Variants in AP3B1 observed in about 807,000 individuals in gnomAD.
The protein encoded by AP3B1 is adaptor related protein complex 3 subunit beta 1.
In AP3B1, 61 loss-of-function variants were observed where a neutral mutation model predicts 132.5. That is an observed-to-expected ratio of 0.46 (90% CI 0.37 to 0.57). AP3B1 has a LOEUF of 0.57. Ranked by LOEUF, AP3B1 falls within the 20% of genes least tolerant of loss-of-function variation. AP3B1 has a pLI of 0.00. For synonymous variants in AP3B1, 388 were observed against 438.3 expected, an observed-to-expected ratio of 0.89 and a Z score of 1.43; for missense variants, 1,120 against 1,289.4, an observed-to-expected ratio of 0.87 and a Z score of 2.01.
intron 7 of AP3B1, among the ~76,000 whole-genome samples, chr5:78,192,595 T>C (rs981185561): frequency 2.0e-5 from 3 of 151,932 alleles, no homozygotes; most frequent in Admixed American, 6.6e-5. Flanking sequence ...TGAGCCAAAA[T>C]TGCGCCACTG....
At chr5:78,173,907 C>T (rs1283717412) in intron 11 of AP3B1, among the ~76,000 whole-genome samples, 1 of 151,976 alleles carries the variant, frequency 6.6e-6, no homozygotes, top group Non-Finnish European at 1.5e-5. Context: ...TCTATAACCT[C>T]GTCTTCTCAC....
chr5:78,054,362 C>G (rs1748715300), intron 22 of AP3B1, among the ~76,000 whole-genome samples: 1 of 151,718 alleles, frequency 6.6e-6, no homozygotes, highest in Non-Finnish European at 1.5e-5. Context: ...ATTAAGAGAT[C>G]CAAAGATAAG....
At chr5:78,052,898 T>C (rs1748643847) in intron 22 of AP3B1, among the ~76,000 whole-genome samples, 1 of 152,228 alleles carries the variant, frequency 6.6e-6, no homozygotes, top group Admixed American at 6.5e-5. Context: ...CTATTCTTTT[T>C]ATATTTCTTT....
chr5:78,282,848 CAA>C (rs70997985), intron 1 of AP3B1, among the ~76,000 whole-genome samples: 2 of 129,362 alleles, frequency 1.5e-5, no homozygotes, highest in Admixed American at 7.7e-5. Context: ...TTGTCTCTAC[CAA>C]AAAAAAAAAA....
At chr5:78,215,100 T>A (rs941768909) in intron 7 of AP3B1, among the ~76,000 whole-genome samples, 1 of 152,138 alleles carries the variant, frequency 6.6e-6, no homozygotes, top group South Asian at 2.1e-4. Flanking sequence ...CATTTTTCCA[T>A]GTTATTTACA....
intron 7 of AP3B1, among the ~76,000 whole-genome samples, chr5:78,214,082 G>A (rs1745863623): frequency 6.6e-6 from 1 of 152,174 alleles, no homozygotes; most frequent in South Asian, 2.1e-4. Context: ...CACTAAATTA[G>A]TCTAATGAGC....
chr5:78,100,623 C>T (rs913915996), intron 21 of AP3B1, among the ~76,000 whole-genome samples: 1 of 152,170 alleles, frequency 6.6e-6, no homozygotes, highest in African/African-American at 2.4e-5. Flanking sequence ...ATGTGTCAAT[C>T]CCCATAATCC....
At chr5:78,116,698 T>A (rs1203967895) in intron 17 of AP3B1, among the ~76,000 whole-genome samples, 1 of 151,878 alleles carries the variant, frequency 6.6e-6, no homozygotes, top group African/African-American at 2.4e-5. Context: ...CCTGGAGTAA[T>A]CCTTGACTTC....
chr5:78,194,157 G>A (rs1266487537), intron 7 of AP3B1, among the ~76,000 whole-genome samples: 1 of 152,002 alleles, frequency 6.6e-6, no homozygotes, highest in East Asian at 1.9e-4. Flanking sequence ...CCCTTATGTA[G>A]CTAGCATGGC....
chr5:78,038,499 T>A (rs1367680799), intron 23 of AP3B1, among the ~76,000 whole-genome samples: 1 of 152,180 alleles, frequency 6.6e-6, no homozygotes, highest in Non-Finnish European at 1.5e-5. Flanking sequence ...TTTAAGAAAC[T>A]TTATGAATTT....
chr5:78,000,572 A>C (rs1746175704), downstream of AP3B1: 1 of 152,196 alleles, frequency 6.6e-6, no homozygotes, highest in Non-Finnish European at 1.5e-5. Flanking sequence ...ATGCATTGTT[A>C]CAGTCTCTTT....
chr5:78,170,146 C>T (rs1315713235), intron 11 of AP3B1, among the ~76,000 whole-genome samples: 2 of 152,160 alleles, frequency 1.3e-5, no homozygotes, highest in African/African-American at 4.8e-5. Context: ...TTTCTTAATT[C>T]AGTCTATCAT....
chr5:78,126,226 T>C (rs1272462168), intron 17 of AP3B1, among the ~76,000 whole-genome samples: 1 of 151,870 alleles, frequency 6.6e-6, no homozygotes, highest in East Asian at 1.9e-4. Context: ...ACAAATAGGC[T>C]GGGCACGGTG....
chr5:78,053,267 C>T (rs1280900463), intron 22 of AP3B1, among the ~76,000 whole-genome samples: 1 of 152,226 alleles, frequency 6.6e-6, no homozygotes, highest in Non-Finnish European at 1.5e-5. Context: ...TTCTGTCCCT[C>T]TACCACCAGC....
At chr5:78,134,377 T>C (rs1459412411) in intron 15 of AP3B1, among the ~76,000 whole-genome samples, 2 of 152,142 alleles carry the variant, frequency 1.3e-5, no homozygotes, top group African/African-American at 4.8e-5. Context: ...GAAGTCTGCA[T>C]TCGGCATAGT....
chr5:78,117,681 A>G (rs1751917830), intron 17 of AP3B1, among the ~76,000 whole-genome samples: 1 of 152,214 alleles, frequency 6.6e-6, no homozygotes, highest in Non-Finnish European at 1.5e-5. Flanking sequence ...TAAAGACTTC[A>G]ATATTAAATT....
chr5:78,029,986 G>A lies in AP3B1; in HGVS notation c.2894+4375C>T, dbSNP rs529268809. Reference sequence around the variant, plus strand: ...CCCTAGTATACCATCACTCCTCCTTGCACTTGTCTCTGTGGGGATTTTGGT... The same window carrying A: ...CCCTAGTATACCATCACTCCTCCTTACACTTGTCTCTGTGGGGATTTTGGT... On this transcript the variant is annotated intron_variant, in intron 24 of 26. Coordinates refer to ENST00000255194, the MANE Select transcript of AP3B1 (RefSeq NM_003664.5). Among the ~76,000 whole-genome samples the A allele has an allele frequency of 1.4e-4, 22 of 151,726 alleles. 1 individual carries two copies. The South Asian group carries it at 2.7e-3, about 19-fold the overall frequency.
At chr5:78,202,268 T>C (rs1392842340) in intron 7 of AP3B1, among the ~76,000 whole-genome samples, 5 of 152,162 alleles carry the variant, frequency 3.3e-5, no homozygotes, top group African/African-American at 1.2e-4. Flanking sequence ...TTGCCCAGTC[T>C]CAGGGATGTC....
At chr5:78,193,743 TTTA>T (rs1418337387) in intron 7 of AP3B1, among the ~76,000 whole-genome samples, 107 of 49,666 alleles carry the variant, frequency 2.2e-3, no homozygotes, top group Non-Finnish European at 2.0e-3. Context: ...TATATATTTT[TTTA>T]TATATATATA....
Sources: allele counts gnomAD v4.1 joint callset (sites outside exome capture counted in the v4.1 genomes callset), GRCh38; gene constraint gnomAD v4.1.1; transcripts MANE v1.5; gene names NCBI Gene and HGNC (gene_info 2026-07-23, HGNC 2026-07-21).